Variants in C1D observed in about 807,000 individuals in gnomAD.
C1D encodes nuclear nucleic acid-binding protein C1D.
Under a neutral mutation model 17.5 loss-of-function variants are expected in C1D, and 10 were observed. The ratio of observed to expected loss-of-function variants is 0.57; its 90% CI spans 0.35 to 0.97. C1D has a LOEUF of 0.97. Ranked by LOEUF, C1D falls within the 50% of genes least tolerant of loss-of-function variation. The pLI, the probability that C1D is intolerant of heterozygous loss-of-function variation, is 0.01. For synonymous variants in C1D, 49 were observed against 54.0 expected (o/e 0.91, Z 0.40); for missense variants, 136 against 160.1 (o/e 0.85, Z 0.81).
chr2:68,047,160 A>G lies in C1D; in HGVS notation c.138+13T>C. 6.3e-7 allele frequency: 1 copy of G among 1,589,676 alleles called. No individual in the cohort carries two copies. The highest frequency in any genetic ancestry group is 8.5e-7 in the Non-Finnish European group (1 of 1,172,418). Reference sequence around the variant, plus strand: ...ATGAAATTCATTTTTAGGAAATTACATTTTTAAAATACCTTCTGCAACAAC... The same window carrying G: ...ATGAAATTCATTTTTAGGAAATTACGTTTTTAAAATACCTTCTGCAACAAC... On this transcript the variant is annotated intron_variant, in intron 2 of 4. Transcript: ENST00000410067.
chr2:68,053,064 G>A, intron 1 of C1D: 4 of 1,550,468 alleles, frequency 2.6e-6, no homozygotes, highest in Non-Finnish European at 3.5e-6. Context: ...AACTCACCCA[G>A]CTCTGCTCCT....
intron 2 of C1D, 65 bp from the exon 3 acceptor site, chr2:68,046,475 G>C: frequency 9.0e-7 from 1 of 1,109,728 alleles, no homozygotes; most frequent in South Asian, 1.3e-5. Flanking sequence ...CACAAACTTT[G>C]AACACCATCT....
chr2:68,052,914 C>T lies in C1D; in HGVS notation c.-9-5595G>A, dbSNP rs914166552. On this transcript the variant is annotated intron_variant, in intron 1 of 4. Coordinates refer to ENST00000410067, the MANE Select transcript of C1D (RefSeq NM_173177.3). ...ATATCAGCAGCAAACTCTTGAATAG[C>T]ACTGATTATGTGCCAGGCACTACTC... The T allele has an allele frequency of 4.6e-6, 5 of 1,092,966 alleles. No homozygotes were observed. In the African/African-American group the frequency reaches 6.3e-5, roughly 14 times the overall value. 67.7% of individuals were successfully genotyped at this position (1,092,966 alleles called of 1,614,324 possible).
chr2:68,049,341 G>A (rs1310654453), intron 1 of C1D, among the ~76,000 whole-genome samples: 1 of 152,150 alleles, frequency 6.6e-6, no homozygotes, highest in Admixed American at 6.5e-5. Flanking sequence ...CTAATTTCCA[G>A]ATCTGTGAAA....
chr2:68,046,223 A>T (rs557414912), intron 3 of C1D, 121 bp downstream of exon 3: 1 of 840,850 alleles, frequency 1.2e-6, no homozygotes. Flanking sequence ...TTTAAAAATA[A>T]GTATCTATTA....
Position 68,042,921 on chromosome 2 carries a change from T to C in C1D, c.394A>G (p.Lys132Glu), listed in dbSNP as rs371360362. The change falls in exon 5 of 5, where the codon AAA (lysine) becomes GAA (glutamate). Residue 132 changes from lysine (K) to glutamate (E), a missense_variant. Physicochemically the swap from Lys to Glu is moderately conservative, Grantham distance 56. Coordinates refer to ENST00000410067, the MANE Select transcript of C1D (RefSeq NM_173177.3). ...LWEPKSKNAS[K>E]VANKGKSKS ...TTACTTTTTCCTTTATTGGCAACTT[T>C]TGATGCATTTTTCGATTTTGGTTCC... 4.4e-6 allele frequency: 7 copies of C among 1,600,444 alleles called. No homozygotes were observed. The highest frequency in any genetic ancestry group is 2.3e-5 in the East Asian group (1 of 44,360).
intron 1 of C1D, among the ~76,000 whole-genome samples, chr2:68,057,135 T>C (rs1376479038): frequency 2.6e-5 from 4 of 152,170 alleles, no homozygotes; most frequent in Non-Finnish European, 5.9e-5. Flanking sequence ...AAGAACAGCA[T>C]GTATAATACA....
chr2:68,049,999 A>G (rs1282477426), intron 1 of C1D, among the ~76,000 whole-genome samples: 14 of 152,214 alleles, frequency 9.2e-5, no homozygotes, highest in Non-Finnish European at 1.9e-4. Flanking sequence ...AATAATGAAG[A>G]TATCATCACC....
At chr2:68,059,002 T>C (rs1671542433) in intron 1 of C1D, among the ~76,000 whole-genome samples, 1 of 152,210 alleles carries the variant, frequency 6.6e-6, no homozygotes, top group South Asian at 2.1e-4. Context: ...TTCCTCCGTT[T>C]TGCATTGCTA....
chr2:68,045,098 T>C (rs969632983), intron 4 of C1D, among the ~76,000 whole-genome samples: 1 of 152,128 alleles, frequency 6.6e-6, no homozygotes, highest in African/African-American at 2.4e-5. Flanking sequence ...AATAAGGAAA[T>C]GTCTTAGACT....
chr2:68,047,648 G>A (rs1437506490), intron 1 of C1D, among the ~76,000 whole-genome samples: 6 of 152,072 alleles, frequency 3.9e-5, no homozygotes, highest in Non-Finnish European at 8.8e-5. Flanking sequence ...TGCAACTTCC[G>A]CCTGCTGGGC....
At chr2:68,056,945 C>T (rs777869636) in intron 1 of C1D, among the ~76,000 whole-genome samples, 1 of 152,164 alleles carries the variant, frequency 6.6e-6, no homozygotes, top group African/African-American at 2.4e-5. Flanking sequence ...TGTTTAAGGA[C>T]TTCCACTGCA....
intron 1 of C1D, among the ~76,000 whole-genome samples, chr2:68,053,730 G>A (rs1671352485): frequency 6.6e-6 from 1 of 152,104 alleles, no homozygotes; most frequent in African/African-American, 2.4e-5. Flanking sequence ...CATCTTTCAT[G>A]GCTCCCCTCT....
At chr2:68,061,863 C>T (rs886727052) in intron 1 of C1D, among the ~76,000 whole-genome samples, 3 of 152,192 alleles carry the variant, frequency 2.0e-5, no homozygotes, top group African/African-American at 7.2e-5. Context: ...TACAACACAG[C>T]TAACTGAAGG....
At chr2:68,049,542 C>A in intron 1 of C1D, among the ~76,000 whole-genome samples, 1 of 152,156 alleles carries the variant, frequency 6.6e-6, no homozygotes, top group East Asian at 1.9e-4. Context: ...CCATACAGAT[C>A]ATTAACCACA....
In C1D at chr2:68,041,857, A is replaced by T. The variant is rs1379420070; in HGVS notation, c.*1032T>A. Reference sequence around the variant, plus strand: ...CATTAAGGGCATATAATTAAAATTCATGGGCTTAGACATTTAAAAAAAGGT... The same window carrying T: ...CATTAAGGGCATATAATTAAAATTCTTGGGCTTAGACATTTAAAAAAAGGT... On this transcript the variant is annotated 3_prime_UTR_variant, in exon 5 of 5. Coordinates refer to ENST00000410067, the MANE Select transcript of C1D (RefSeq NM_173177.3). 1 of 152,016 alleles carries T rather than the reference A, an allele frequency of 6.6e-6. No individual in the cohort carries two copies. Among genetic ancestry groups the T allele is most frequent in the Admixed American group, 6.5e-5 (1 of 15,280 alleles). 9.4% of individuals were successfully genotyped at this position (152,016 alleles called of 1,614,324 possible).
intron 1 of C1D, among the ~76,000 whole-genome samples, chr2:68,061,759 T>G (rs928680927): frequency 8.5e-5 from 13 of 152,210 alleles, no homozygotes; most frequent in African/African-American, 2.9e-4. Context: ...GGGTCAACTT[T>G]GGAAACAGTA....
At chr2:68,056,859 T>C (rs1655105280) in intron 1 of C1D, among the ~76,000 whole-genome samples, 1 of 152,242 alleles carries the variant, frequency 6.6e-6, no homozygotes, top group Non-Finnish European at 1.5e-5. Context: ...ATCTGCACTA[T>C]GCTTCAAAAT....
intron 1 of C1D, among the ~76,000 whole-genome samples, chr2:68,052,887 C>T (rs894803352): frequency 2.0e-5 from 3 of 152,096 alleles, no homozygotes; most frequent in South Asian, 2.1e-4. Context: ...AGTGACTCTA[C>T]GATATCAGCA....
Sources: gnomAD v4.1 joint callset for allele counts (sites outside exome capture counted in the v4.1 genomes callset) on GRCh38, gnomAD v4.1.1 for gene constraint, MANE v1.5 for transcripts, NCBI Gene and HGNC (gene_info 2026-07-23, HGNC 2026-07-21) for gene names.